ACYP2: variants seen among roughly 807,000 people sequenced by gnomAD.
The protein encoded by ACYP2 is acylphosphatase 2.
Under a neutral mutation model 11.2 loss-of-function variants are expected in ACYP2, and 12 were observed. That is an observed-to-expected ratio of 1.08 (90% CI 0.69 to 1.74). ACYP2 has a LOEUF of 1.74. ACYP2 is among the 40% of genes most tolerant of loss of function. The pLI, the probability that ACYP2 is intolerant of heterozygous loss-of-function variation, is 0.00. For synonymous variants in ACYP2, 43 were observed against 32.2 expected, an observed-to-expected ratio of 1.33 and a Z score of -1.13; for missense variants, 134 against 101.9, an observed-to-expected ratio of 1.31 and a Z score of -1.35.
chr2:54,230,440 T>C (rs1338187915), intron 6 of ACYP2, among the ~76,000 whole-genome samples: 1 of 152,088 alleles, frequency 6.6e-6, no homozygotes, highest in Non-Finnish European at 1.5e-5. Context: ...CACCACAGCC[T>C]CCGCCTCTTG....
intron 6 of ACYP2, among the ~76,000 whole-genome samples, chr2:54,276,790 C>G (rs947175325): frequency 3.3e-5 from 5 of 152,060 alleles, no homozygotes; most frequent in Non-Finnish European, 1.5e-5. Flanking sequence ...GAATGAAAGC[C>G]ATTCTTATTT....
intron 4 of ACYP2, among the ~76,000 whole-genome samples, chr2:54,124,599 GA>G (rs146665352): frequency 0.023 from 3,508 of 152,294 alleles, 67 homozygotes; most frequent in Non-Finnish European, 0.033. Flanking sequence ...AGTTTGTCAA[GA>G]AGTATGAATT....
chr2:54,203,099 G>A (rs919938872), intron 6 of ACYP2, among the ~76,000 whole-genome samples: 12 of 151,988 alleles, frequency 7.9e-5, no homozygotes, highest in African/African-American at 2.9e-4. Context: ...CACTTCATAA[G>A]CTTGGGATTG....
At chr2:54,259,382 G>T (rs1424551246) in intron 6 of ACYP2, among the ~76,000 whole-genome samples, 2 of 152,218 alleles carry the variant, frequency 1.3e-5, no homozygotes, top group Non-Finnish European at 2.9e-5. Context: ...AGAACACTAA[G>T]ATAGTGAGTC....
chr2:54,020,094 G>T (rs556574342), intron 2 of ACYP2, among the ~76,000 whole-genome samples: 6 of 152,090 alleles, frequency 3.9e-5, no homozygotes, highest in African/African-American at 1.4e-4. Flanking sequence ...CCACCACCAT[G>T]CCTGGCTAAT....
At chr2:54,071,461 T>A (rs1187246251) in intron 4 of ACYP2, among the ~76,000 whole-genome samples, 1 of 151,978 alleles carries the variant, frequency 6.6e-6, no homozygotes, top group African/African-American at 2.4e-5. Context: ...CAATTGTGTT[T>A]TTCTTTTCTG....
At chr2:54,108,384 T>C (rs1007053837) in intron 4 of ACYP2, among the ~76,000 whole-genome samples, 2 of 152,222 alleles carry the variant, frequency 1.3e-5, no homozygotes, top group African/African-American at 4.8e-5. Flanking sequence ...TGAGTTATTT[T>C]AAAGACACGA....
intron 6 of ACYP2, among the ~76,000 whole-genome samples, chr2:54,299,690 G>A (rs1689650518): frequency 6.6e-6 from 1 of 152,102 alleles, no homozygotes; most frequent in South Asian, 2.1e-4. Context: ...TGGATGGGGA[G>A]GCTCACACTC....
At chr2:54,302,105 C>T (rs922084640) in intron 6 of ACYP2, among the ~76,000 whole-genome samples, 2 of 152,224 alleles carry the variant, frequency 1.3e-5, no homozygotes, top group African/African-American at 4.8e-5. Context: ...GGTATCTCAA[C>T]TAGGTCAATA....
intron 6 of ACYP2, among the ~76,000 whole-genome samples, chr2:54,220,182 T>TTA (rs974578642): frequency 3.9e-5 from 6 of 152,092 alleles, no homozygotes; most frequent in Admixed American, 3.9e-4. Context: ...AACTTATTTT[T>TTA]TATATTGCCA....
At chr2:54,195,646 AAAAAAC>A (rs1572916556) in intron 6 of ACYP2, among the ~76,000 whole-genome samples, 1 of 138,068 alleles carries the variant, frequency 7.2e-6, no homozygotes. Flanking sequence ...GGCAAAAAAA[AAAAAAC>A]AAAACACTGT....
intron 6 of ACYP2, among the ~76,000 whole-genome samples, chr2:54,245,182 TC>T (rs2103994351): frequency 6.6e-6 from 1 of 152,304 alleles, no homozygotes; most frequent in Non-Finnish European, 1.5e-5. Flanking sequence ...TGTTCTTCAG[TC>T]CCATCCATGT....
Position 54,113,676 on chromosome 2 carries a change from C to T in ACYP2, c.278-21777C>T, listed in dbSNP as rs184225901. ...ACTAGGATAAAATCTGGTAACCACT[C>T]GCAGAGATGACTGAGCGGGATAGAG... On this transcript the variant is annotated intron_variant, in intron 4 of 6. Transcript: ENST00000607452. 2.5e-3 allele frequency among the ~76,000 whole-genome samples: 376 copies of T among 152,190 alleles called. 1 individual carries two copies. The highest frequency in any genetic ancestry group is 8.6e-3 in the African/African-American group (356 of 41,500).
chr2:54,061,683 T>C (rs1008618651), intron 4 of ACYP2, among the ~76,000 whole-genome samples: 1 of 152,216 alleles, frequency 6.6e-6, no homozygotes, highest in African/African-American at 2.4e-5. Context: ...TTACCATGCA[T>C]GTTAGTTTCC....
chr2:54,239,202 T>G (rs1019393455), intron 6 of ACYP2, among the ~76,000 whole-genome samples: 1 of 152,162 alleles, frequency 6.6e-6, no homozygotes, highest in Admixed American at 6.5e-5. Context: ...CACAGTATTT[T>G]GCCAGATTGC....
intron 6 of ACYP2, among the ~76,000 whole-genome samples, chr2:54,248,787 AAAC>A (rs1157554560): frequency 6.6e-6 from 1 of 152,222 alleles, no homozygotes; most frequent in Non-Finnish European, 1.5e-5. Flanking sequence ...GAACATCTGT[AAAC>A]AACTAAGCTC....
chr2:54,151,847 C>G lies in ACYP2; in HGVS notation c.404+13099C>G, dbSNP rs181430567. Among the ~76,000 whole-genome samples, 11 of 152,094 alleles carry G rather than the reference C, an allele frequency of 7.2e-5. No homozygotes were observed. The East Asian group carries it at 1.7e-3, about 24-fold the overall frequency. On this transcript the variant is annotated intron_variant, in intron 6 of 6. Coordinates refer to ENST00000607452, the MANE Select transcript of ACYP2 (RefSeq NM_001320586.2). ...TAATGCAGTACTAATTACTTTTTAT[C>G]TTTTTTTCTTTAATCAGCTTTCTCA...
At chr2:54,279,585 CAGAGCTGCAGTCTCA>C (rs67696805) in intron 6 of ACYP2, among the ~76,000 whole-genome samples, 81,870 of 151,674 alleles carry the variant, frequency 0.54, 22,401 homozygotes, top group Admixed American at 0.6. Context: ...TGGCAGGATC[CAGAGCTGCAGTCTCA>C]AGAGCTGCAG....
intron 4 of ACYP2, among the ~76,000 whole-genome samples, chr2:54,119,051 CTTTTTTTTTTTTTTTTTTT>C (rs10542497): frequency 2.1e-4 from 9 of 43,740 alleles, no homozygotes; most frequent in African/African-American, 3.2e-4. Context: ...TCTTAGTAGT[CTTTTTTTTTTTTTTTTTTT>C]TTTTTTTTTT....
Sources: allele counts gnomAD v4.1 joint callset (sites outside exome capture counted in the v4.1 genomes callset), GRCh38; gene constraint gnomAD v4.1.1; transcripts MANE v1.5; gene names NCBI Gene and HGNC (gene_info 2026-07-23, HGNC 2026-07-21).